USP47: variants seen among roughly 807,000 people sequenced by gnomAD.
USP47 encodes the protein ubiquitin specific peptidase 47, also known as ubiquitin carboxyl-terminal hydrolase 47.
In USP47, 35 loss-of-function variants were observed where a neutral mutation model predicts 165.1. That is an observed-to-expected ratio of 0.21 (90% CI 0.16 to 0.28). The LOEUF is 0.28. Among genes scored for constraint, USP47 ranks in the 10% least tolerant of loss-of-function variants. USP47 has a pLI of 1.00. For synonymous variants in USP47, 531 were observed against 544.5 expected (o/e 0.98, Z 0.35); for missense variants, 1,277 against 1,607.4 (o/e 0.79, Z 3.52).
intron 3 of USP47, among the ~76,000 whole-genome samples, chr11:11,889,868 A>G (rs1024671677): frequency 5.3e-5 from 8 of 152,284 alleles, no homozygotes; most frequent in East Asian, 3.9e-4. Flanking sequence ...ACATAGACCA[A>G]TGGAACAGAA....
chr11:11,903,390 T>A (rs776457281), intron 7 of USP47, 48 bp downstream of exon 7: 1 of 1,540,102 alleles, frequency 6.5e-7, no homozygotes, highest in Admixed American at 1.7e-5. Flanking sequence ...AATAAATCAC[T>A]TGTTACCCTA....
At chr11:11,857,621 A>AGGCC (rs1414083863) in intron 1 of USP47, among the ~76,000 whole-genome samples, 1 of 152,238 alleles carries the variant, frequency 6.6e-6, no homozygotes, top group East Asian at 1.9e-4. Context: ...CAGGAGCTTA[A>AGGCC]GGCCATTTCA....
chr11:11,903,243 T>G lies in USP47; in HGVS notation c.740-20T>G. 1 of 1,600,546 alleles carries G rather than the reference T, an allele frequency of 6.2e-7. No individual in the cohort carries two copies. Among genetic ancestry groups the G allele is most frequent in the Non-Finnish European group, 8.5e-7 (1 of 1,173,192 alleles). On this transcript the variant is annotated intron_variant, in intron 6 of 27. Transcript: ENST00000527733. ...CATAAAGTTTATAGCTATTTCTAATTGAATTTTATCTTAAAACAGCTTGGC... is the reference window on the plus strand; with the variant it reads ...CATAAAGTTTATAGCTATTTCTAATGGAATTTTATCTTAAAACAGCTTGGC...
chr11:11,932,088 T>C (rs1392449115), intron 14 of USP47, among the ~76,000 whole-genome samples: 1 of 152,170 alleles, frequency 6.6e-6, no homozygotes, highest in Non-Finnish European at 1.5e-5. Flanking sequence ...TCTGCCCAGC[T>C]TCTGATGAAG....
chr11:11,871,293 A>T (rs1291437544), intron 1 of USP47, among the ~76,000 whole-genome samples: 2 of 151,688 alleles, frequency 1.3e-5, no homozygotes, highest in East Asian at 1.9e-4. Context: ...CATGAGGTCA[A>T]GAGATGGAGA....
Position 11,909,331 on chromosome 11 carries a change from A to G in USP47, c.969+3783A>G, listed in dbSNP as rs574859391. 5.3e-5 allele frequency among the ~76,000 whole-genome samples: 8 copies of G among 152,300 alleles called. No individual in the cohort carries two copies. In the East Asian group the frequency reaches 1.3e-3, roughly 26 times the overall value. On this transcript the variant is annotated intron_variant, in intron 8 of 27. Transcript: ENST00000527733. ...TAGATAGTTAGAACCTTCTATGTTCACTGACTAGATCAAAGTAACTTTGAC... is the reference window on the plus strand; with the variant it reads ...TAGATAGTTAGAACCTTCTATGTTCGCTGACTAGATCAAAGTAACTTTGAC...
Position 11,948,487 on chromosome 11 carries a change from A to G in USP47, c.3277A>G (p.Arg1093Gly), listed in dbSNP as rs771557314. ...SFSDDNKITI[R>G]LGRALKKGEY... is the part of the protein sequence containing the mutation. ...TGTTTTTAACTTATAGATTACAATT[A>G]GACTGGGGAGAGCACTTAAAAAAGG... is the stretch of plus-strand genomic sequence containing the variant. Residue 1093 changes from arginine to glycine, a missense_variant, in exon 22 of 28, where the codon AGA (arginine) becomes GGA (glycine). Coordinates refer to ENST00000527733, the MANE Select transcript of USP47 (RefSeq NM_001282659.2). The G allele has an allele frequency of 2.5e-6, 4 of 1,612,416 alleles. No individual in the cohort carries two copies. The highest frequency in any genetic ancestry group is 1.1e-5 in the South Asian group (1 of 91,036).
At chr11:11,878,883 A>G (rs1303903042) in intron 1 of USP47, among the ~76,000 whole-genome samples, 5 of 152,330 alleles carry the variant, frequency 3.3e-5, no homozygotes, top group African/African-American at 1.2e-4. Context: ...CTAGCCAATT[A>G]TAATTATTCT....
At chr11:11,857,735 C>T (rs903899152) in intron 1 of USP47, among the ~76,000 whole-genome samples, 4 of 152,146 alleles carry the variant, frequency 2.6e-5, no homozygotes, top group Non-Finnish European at 4.4e-5. Context: ...ACCTTTTCTG[C>T]GTGGCAGATG....
chr11:11,907,789 A>G lies in USP47; in HGVS notation c.969+2241A>G, dbSNP rs1324087941. On this transcript the variant is annotated intron_variant, in intron 8 of 27. Transcript: ENST00000527733. Reference sequence around the variant, plus strand: ...TTTAGTGGACTGGTATTTTTGTCTTATTTAATATATTAGATATAGACGTAG... The same window carrying G: ...TTTAGTGGACTGGTATTTTTGTCTTGTTTAATATATTAGATATAGACGTAG... Among the ~76,000 whole-genome samples, 4 of 152,158 alleles carry G rather than the reference A, an allele frequency of 2.6e-5. No individual in the cohort carries two copies. The East Asian group carries it at 5.8e-4, about 22-fold the overall frequency.
At chr11:11,843,535 A>G (rs191643192) in intron 1 of USP47, among the ~76,000 whole-genome samples, 52 of 152,358 alleles carry the variant, frequency 3.4e-4, no homozygotes, top group Admixed American at 8.5e-4. Flanking sequence ...TTACCACGTA[A>G]GTAATTCTTA....
At chr11:11,871,689 C>T (rs926630327) in intron 1 of USP47, among the ~76,000 whole-genome samples, 3 of 152,092 alleles carry the variant, frequency 2.0e-5, no homozygotes, top group South Asian at 4.1e-4. Flanking sequence ...TTGGAGCTTG[C>T]TGTTTGCACA....
rs373216076 is a variant in USP47 at position 11,905,130 on chromosome 11, A to G, written c.820-269A>G. ...CTCATGATGAATATTGAAATCGTTA[A>G]TTTTTGCACACTGACTCAAATTAGT... On this transcript the variant is annotated intron_variant, in intron 7 of 27. Coordinates refer to ENST00000527733, the MANE Select transcript of USP47 (RefSeq NM_001282659.2). 2.6e-4 allele frequency among the ~76,000 whole-genome samples: 40 copies of G among 151,836 alleles called. No individual in the cohort carries two copies. In the East Asian group the frequency reaches 6.0e-3, roughly 23 times the overall value.
rs1847459663 is a variant in USP47, at chr11:11,961,691, T to C, written c.*5516T>C. Among the ~76,000 whole-genome samples the C allele has an allele frequency of 6.6e-6, 1 of 152,196 alleles. No homozygotes were observed. Among genetic ancestry groups the C allele is most frequent in the South Asian group, 2.1e-4 (1 of 4,826 alleles). ...TGTTTGCCACTCTCCTTTTGTCAAT[T>C]GGGAAAAAATTCCAGAAACTCTGGG... On this transcript the variant is annotated 3_prime_UTR_variant, in exon 28 of 28. Coordinates refer to ENST00000527733, the MANE Select transcript of USP47 (RefSeq NM_001282659.2).
At chr11:11,954,341 C>G (rs567092252) in intron 25 of USP47, among the ~76,000 whole-genome samples, 168 of 152,268 alleles carry the variant, frequency 1.1e-3, no homozygotes, top group African/African-American at 3.9e-3. Flanking sequence ...GCGATCTTGG[C>G]TCACTGCAGC....
intron 3 of USP47, among the ~76,000 whole-genome samples, chr11:11,890,087 A>G (rs1417131737): frequency 2.6e-5 from 4 of 152,242 alleles, no homozygotes; most frequent in Non-Finnish European, 5.9e-5. Context: ...AAAACCCGAA[A>G]CTATACAAAA....
chr11:11,913,720 A>G (rs536625314), intron 8 of USP47, among the ~76,000 whole-genome samples: 2 of 152,038 alleles, frequency 1.3e-5, no homozygotes, highest in Non-Finnish European at 2.9e-5. Flanking sequence ...TAGAGTGACT[A>G]TAGTTAACAA....
At chr11:11,888,367 G>A (rs974121562) in intron 3 of USP47, among the ~76,000 whole-genome samples, 3 of 151,968 alleles carry the variant, frequency 2.0e-5, no homozygotes, top group Non-Finnish European at 4.4e-5. Flanking sequence ...AATCAGAAAC[G>A]ATAAGGGGGA....
chr11:11,929,901 A>C (rs1854526358), intron 12 of USP47, 143 bp from the exon 13 acceptor site: 1 of 712,238 alleles, frequency 1.4e-6, no homozygotes, highest in Non-Finnish European at 2.3e-6. Flanking sequence ...ATTATGATTA[A>C]ATTTTGTGAA....
Sources: gnomAD v4.1 joint callset for allele counts (sites outside exome capture counted in the v4.1 genomes callset) on GRCh38, gnomAD v4.1.1 for gene constraint, MANE v1.5 for transcripts, NCBI Gene and HGNC (gene_info 2026-07-23, HGNC 2026-07-21) for gene names.